TMEM132B: variants seen among roughly 807,000 people sequenced by gnomAD.
The protein encoded by TMEM132B is transmembrane protein 132B.
Under a neutral mutation model 90.8 loss-of-function variants are expected in TMEM132B, and 18 were observed. The ratio of observed to expected loss-of-function variants is 0.20; its 90% CI spans 0.14 to 0.29. The LOEUF (loss-of-function observed/expected upper bound fraction) is 0.29. Among genes scored for constraint, TMEM132B ranks in the 10% least tolerant of loss-of-function variants. The probability of loss-of-function intolerance (pLI) is 1.00; values close to 1 mark genes in which losing one functional copy is unlikely to be tolerated. For missense variants in TMEM132B, 1,096 were observed against 1,326.8 expected, an observed-to-expected ratio of 0.83 and a Z score of 2.70; for synonymous variants, 504 against 523.3, an observed-to-expected ratio of 0.96 and a Z score of 0.50.
At chr12:125,623,592 T>C (rs945759391) in intron 5 of TMEM132B, among the ~76,000 whole-genome samples, 7 of 152,186 alleles carry the variant, frequency 4.6e-5, no homozygotes, top group African/African-American at 9.6e-5. Flanking sequence ...CAAATTAAGA[T>C]GGGTATCAGT....
intron 4 of TMEM132B, among the ~76,000 whole-genome samples, chr12:125,550,619 A>G (rs972830399): frequency 6.6e-6 from 1 of 152,192 alleles, no homozygotes; most frequent in Non-Finnish European, 1.5e-5. Context: ...ACACCTTCAG[A>G]CTACTTTTTG....
intron 6 of TMEM132B, among the ~76,000 whole-genome samples, chr12:125,644,861 T>A (rs1369497334): frequency 4.6e-5 from 7 of 152,182 alleles, no homozygotes; most frequent in African/African-American, 1.7e-4. Context: ...AGTTTCCTCA[T>A]CTATCAATTA....
chr12:125,270,112 T>TTG (rs59168219), intron 1 of TMEM132B, among the ~76,000 whole-genome samples: 5,225 of 143,198 alleles, frequency 0.036, 127 homozygotes, highest in African/African-American at 0.073. Context: ...CACATCTTTG[T>TTG]TGTGTGTGTG....
At chr12:125,309,010 C>T (rs187459607) in intron 1 of TMEM132B, among the ~76,000 whole-genome samples, 1 of 152,212 alleles carries the variant, frequency 6.6e-6, no homozygotes, top group Admixed American at 6.5e-5. Flanking sequence ...TAGACCTAAC[C>T]ATGTTAGCAC....
At chr12:125,229,448 G>A (rs1458307113) in intron 1 of TMEM132B, among the ~76,000 whole-genome samples, 1 of 152,094 alleles carries the variant, frequency 6.6e-6, no homozygotes, top group East Asian at 1.9e-4. Context: ...AGAACACAAC[G>A]TTTTAATCTG....
chr12:125,308,128 A>G (rs900230439), intron 1 of TMEM132B, among the ~76,000 whole-genome samples: 1 of 146,852 alleles, frequency 6.8e-6, no homozygotes, highest in Non-Finnish European at 1.5e-5. Context: ...ATATATACAC[A>G]TAAGTATATA....
chr12:125,376,552 C>T (rs916659332), intron 2 of TMEM132B, among the ~76,000 whole-genome samples: 2 of 152,114 alleles, frequency 1.3e-5, no homozygotes, highest in East Asian at 1.9e-4. Flanking sequence ...TGCCTGGGCT[C>T]GGGGCTATTT....
intron 1 of TMEM132B, among the ~76,000 whole-genome samples, chr12:125,346,625 A>G (rs575194204): frequency 1.3e-5 from 2 of 152,300 alleles, no homozygotes; most frequent in South Asian, 4.1e-4. Flanking sequence ...ATTGCTCGAC[A>G]TTGTCAAAAT....
At chr12:125,495,241 G>T (rs527932182) in intron 3 of TMEM132B, among the ~76,000 whole-genome samples, 1 of 8,736 alleles carries the variant, frequency 1.1e-4, no homozygotes, top group Non-Finnish European at 2.1e-4. Flanking sequence ...GGCCGTGTCC[G>T]TCCTCCCCCT....
intron 5 of TMEM132B, among the ~76,000 whole-genome samples, chr12:125,605,616 G>A (rs1885675705): frequency 6.6e-6 from 1 of 152,050 alleles, no homozygotes; most frequent in Non-Finnish European, 1.5e-5. Context: ...TTTTCAGTGG[G>A]CGTCTGTACT....
At chr12:125,303,789 G>A (rs1194910487) in intron 1 of TMEM132B, among the ~76,000 whole-genome samples, 1 of 152,138 alleles carries the variant, frequency 6.6e-6, no homozygotes, top group Non-Finnish European at 1.5e-5. Flanking sequence ...CTTCTGTGGA[G>A]AAATGTCTAT....
intron 5 of TMEM132B, chr12:125,586,551 G>T (rs61659641): frequency 6.6e-6 from 1 of 152,194 alleles, no homozygotes; most frequent in South Asian, 2.1e-4. Context: ...GTTTTAAATT[G>T]TGTACTGTTC....
At chr12:125,454,388 GTGTT>G (rs879273307) in intron 3 of TMEM132B, among the ~76,000 whole-genome samples, 2,472 of 136,004 alleles carry the variant, frequency 0.018, 30 homozygotes, top group Middle Eastern at 0.053. Context: ...GTGTGTGTGT[GTGTT>G]TGTGTGTGTG....
At chr12:125,462,596 C>T (rs1379420252) in intron 3 of TMEM132B, among the ~76,000 whole-genome samples, 2 of 152,044 alleles carry the variant, frequency 1.3e-5, no homozygotes, top group Non-Finnish European at 2.9e-5. Flanking sequence ...GAGCCCTGCA[C>T]GATAAATAGA....
chr12:125,354,773 T>C (rs1298694939), intron 2 of TMEM132B, among the ~76,000 whole-genome samples: 1 of 152,210 alleles, frequency 6.6e-6, no homozygotes, highest in Admixed American at 6.5e-5. Context: ...GGCACACCAA[T>C]TCTCTTTTAT....
intron 6 of TMEM132B, among the ~76,000 whole-genome samples, chr12:125,645,791 G>A (rs1011391988): frequency 6.6e-6 from 1 of 152,114 alleles, no homozygotes; most frequent in South Asian, 2.1e-4. Flanking sequence ...AAACCATGAA[G>A]TTTGTGGTCA....
chr12:125,307,919 C>A (rs1876031315), intron 1 of TMEM132B, among the ~76,000 whole-genome samples: 1 of 126,198 alleles, frequency 7.9e-6, no homozygotes, highest in Non-Finnish European at 1.6e-5. Context: ...AGTATATATA[C>A]TTATATTACT....
Position 125,519,544 on chromosome 12 carries a change from T to G in TMEM132B, c.1212T>G (p.Ile404Met). 6.2e-7 allele frequency: 1 copy of G among 1,614,088 alleles called. No individual in the cohort carries two copies. Among genetic ancestry groups the G allele is most frequent in the East Asian group, 2.2e-5 (1 of 44,862 alleles). The part of the protein sequence containing the change: ...QQITWQVEYP[I>M]EDSMSELVVS... ...TTACCTGGCAGGTGGAGTACCCGAT[T>G]GAGGACTCCATGAGTGAGCTGGTCG... The change falls in exon 4 of 9, where the codon ATT becomes ATG. Residue 404 changes from isoleucine to methionine, a missense_variant. Transcript: ENST00000682704.
At chr12:125,286,941 G>T (rs1479891310) in intron 1 of TMEM132B, among the ~76,000 whole-genome samples, 2 of 151,872 alleles carry the variant, frequency 1.3e-5, no homozygotes, top group African/African-American at 4.8e-5. Context: ...GACCTCAGGT[G>T]ATCCACCCTC....
Sources: allele counts gnomAD v4.1 joint callset (sites outside exome capture counted in the v4.1 genomes callset), GRCh38; gene constraint gnomAD v4.1.1; transcripts MANE v1.5; gene names NCBI Gene and HGNC (gene_info 2026-07-23, HGNC 2026-07-21).